The following COL22A1 variants were observed in gnomAD, a reference collection of about 807,000 sequenced individuals.
The protein encoded by COL22A1 is collagen alpha-1(XXII) chain.
In COL22A1, 221 loss-of-function variants were observed where a neutral mutation model predicts 248.9. That is an observed-to-expected ratio of 0.89 (90% CI 0.80 to 0.99). COL22A1 has a LOEUF of 0.99. Ranked by LOEUF, COL22A1 falls within the 50% of genes least tolerant of loss-of-function variation. COL22A1 has a pLI of 0.00. For synonymous variants in COL22A1, 891 were observed against 793.4 expected, an observed-to-expected ratio of 1.12 and a Z score of -2.07; for missense variants, 2,240 against 2,179.0, an observed-to-expected ratio of 1.03 and a Z score of -0.56.
chr8:138,888,236 A>C (rs2132096661), intron 1 of COL22A1, among the ~76,000 whole-genome samples: 1 of 152,230 alleles, frequency 6.6e-6, no homozygotes, highest in South Asian at 2.1e-4. Flanking sequence ...TAAGACACAC[A>C]CCAGGGGGAG....
At chr8:138,773,181 C>A (rs916351957) in intron 16 of COL22A1, among the ~76,000 whole-genome samples, 2 of 152,232 alleles carry the variant, frequency 1.3e-5, no homozygotes, top group African/African-American at 2.4e-5. Context: ...ATGAGGCAAA[C>A]AAGCCCCAGG....
At chr8:138,802,726 G>A in intron 11 of COL22A1, 146 bp downstream of exon 11, 1 of 695,126 alleles carries the variant, frequency 1.4e-6, no homozygotes, top group East Asian at 2.6e-5. Flanking sequence ...AGGAGCTAGG[G>A]CTTCATCTTG....
rs1586808481 is a variant in COL22A1, at chr8:138,813,152, G to A, written c.1246-133C>T. ...TGGGGTCTTCCTGAGTCCACCCCAGGATACCCCTATCCTGGGCTCCACTCT... is the reference window on the plus strand; with the variant it reads ...TGGGGTCTTCCTGAGTCCACCCCAGAATACCCCTATCCTGGGCTCCACTCT... On this transcript the variant is annotated intron_variant, in intron 7 of 64. Coordinates refer to ENST00000303045, the MANE Select transcript of COL22A1 (RefSeq NM_152888.3). 7.5e-6 allele frequency: 5 copies of A among 670,312 alleles called. No individual in the cohort carries two copies. In the South Asian group the frequency reaches 8.4e-5, roughly 11 times the overall value. 41.5% of individuals were successfully genotyped at this position (670,312 alleles called of 1,614,324 possible). A position where few individuals can be genotyped will look rare whatever the true frequency, so the allele number is the denominator to read the frequency against.
At chr8:138,756,215 T>C (rs1832990851) in intron 18 of COL22A1, among the ~76,000 whole-genome samples, 1 of 152,190 alleles carries the variant, frequency 6.6e-6, no homozygotes, top group African/African-American at 2.4e-5. Flanking sequence ...TGTGATGATA[T>C]ATTTTGGCAG....
chr8:138,767,761 C>G (rs1279197604), intron 16 of COL22A1, among the ~76,000 whole-genome samples: 1 of 152,190 alleles, frequency 6.6e-6, no homozygotes, highest in Admixed American at 6.5e-5. Flanking sequence ...GCCAAGGCCA[C>G]TTGCTGCGGT....
Position 138,901,369 on chromosome 8 carries a change from G to GTTT in COL22A1, c.-73+12247_-73+12249dup, listed in dbSNP as rs1396582556. Reference sequence around the variant, plus strand: ...CTCATTACTGGCAGGTTTTTTTTTTGTTTTTTTTTTTTTTTGAGACAGTCT... The same window carrying GTTT: ...CTCATTACTGGCAGGTTTTTTTTTTGTTTTTTTTTTTTTTTTTTGAGACAGTCT... On this transcript the variant is annotated intron_variant, in intron 1 of 64. Transcript: ENST00000303045. Among the ~76,000 whole-genome samples, 453 of 118,740 alleles carry GTTT rather than the reference G, an allele frequency of 3.8e-3. 17 individuals carry two copies. Among genetic ancestry groups the GTTT allele is most frequent in the Non-Finnish European group, 5.4e-3 (321 of 59,950 alleles). 77.9% of individuals were successfully genotyped at this position (118,740 alleles called of 152,430 possible).
chr8:138,606,581 T>C lies in COL22A1; in HGVS notation c.4033-129A>G, dbSNP rs1002973111. The stretch of plus-strand genomic sequence containing the variant: ...ACACAACACACAAATCCTCCCATGA[T>C]GGAGGGGCATGGGTTAGGAAAAGAC... On this transcript the variant is annotated intron_variant, in intron 57 of 64. Coordinates refer to ENST00000303045, the MANE Select transcript of COL22A1 (RefSeq NM_152888.3). 4 of 856,470 alleles carry C rather than the reference T, an allele frequency of 4.7e-6. No homozygotes were observed. In the South Asian group the frequency reaches 4.8e-5, roughly 10 times the overall value. The allele number at this position is 856,470 out of a possible 1,614,324, so 53.1% of individuals were successfully genotyped here. A position where few individuals can be genotyped will look rare whatever the true frequency, so the allele number is the denominator to read the frequency against.
chr8:138,734,707 C>T (rs189584646), intron 23 of COL22A1, among the ~76,000 whole-genome samples: 6 of 152,258 alleles, frequency 3.9e-5, no homozygotes, highest in East Asian at 1.9e-4. Context: ...ATCATTCTAC[C>T]GTAAAGACAC....
At chr8:138,702,414 G>C (rs1461505127) in intron 31 of COL22A1, among the ~76,000 whole-genome samples, 1 of 152,148 alleles carries the variant, frequency 6.6e-6, no homozygotes, top group Non-Finnish European at 1.5e-5. Flanking sequence ...CACAGAGTAA[G>C]ATTCTTTGCC....
At position 138,602,076 on chromosome 8, in the gene COL22A1, G is replaced by A. The variant is rs200312257; in HGVS notation, c.4185+39C>T. On this transcript the variant is annotated intron_variant, in intron 60 of 64. Transcript: ENST00000303045. ...ATCCTGTGGCCACTGTGCAAAGGTC[G>A]CGTTCGGCGTGTTCAAGGTGCCTGT... 908 of 1,612,060 alleles carry A rather than the reference G, an allele frequency of 5.6e-4. 2 individuals carry two copies. Among genetic ancestry groups the A allele is most frequent in the African/African-American group, 2.3e-3 (170 of 74,958 alleles).
chr8:138,703,291 A>C lies in COL22A1; in HGVS notation c.2559+15T>G, dbSNP rs1828117231. The C allele has an allele frequency of 6.2e-7, 1 of 1,609,836 alleles. No individual in the cohort carries two copies. The highest frequency in any genetic ancestry group is 8.5e-7 in the Non-Finnish European group (1 of 1,176,194). On this transcript the variant is annotated intron_variant, in intron 31 of 64. Coordinates refer to ENST00000303045, the MANE Select transcript of COL22A1 (RefSeq NM_152888.3). ...GGAATTCAGAGGAGAAAGAATTAGA[A>C]GCGGAGTAACTTACAGTTCCAGGTA...
chr8:138,591,544 G>C, intron 63 of COL22A1, 43 bp from the exon 64 acceptor site: 1 of 1,447,426 alleles, frequency 6.9e-7, no homozygotes, highest in African/African-American at 1.4e-5. Context: ...AGACCCCCGG[G>C]GAGGACAGAA....
At chr8:138,729,551 AAGCTGGAAGC>A (rs1299756811) in intron 23 of COL22A1, among the ~76,000 whole-genome samples, 3 of 152,126 alleles carry the variant, frequency 2.0e-5, no homozygotes, top group Non-Finnish European at 2.9e-5. Context: ...AGAGAGAGAG[AAGCTGGAAGC>A]AGCTGGAAGC....
rs780471073 is a variant in COL22A1 at position 138,811,783 on chromosome 8, G to A, written c.1449+16C>T. ...CCAGGGTTCTGCTGGGGCTGAAGGTGGACTGCAGACAATACCTTCTCTCCA... is the reference window on the plus strand; with the variant it reads ...CCAGGGTTCTGCTGGGGCTGAAGGTAGACTGCAGACAATACCTTCTCTCCA... On this transcript the variant is annotated intron_variant, in intron 9 of 64. Coordinates refer to ENST00000303045, the MANE Select transcript of COL22A1 (RefSeq NM_152888.3). 6 of 1,611,538 alleles carry A rather than the reference G, an allele frequency of 3.7e-6. No homozygotes were observed. Among genetic ancestry groups the A allele is most frequent in the South Asian group, 3.3e-5 (3 of 91,004 alleles).
intron 19 of COL22A1, 53 bp downstream of exon 19, chr8:138,755,732 C>A: frequency 6.3e-7 from 1 of 1,582,918 alleles, no homozygotes; most frequent in Non-Finnish European, 8.7e-7. Flanking sequence ...ACTCATCCAA[C>A]CACCCAATCC....
intron 1 of COL22A1, among the ~76,000 whole-genome samples, chr8:138,888,128 T>C (rs1447581365): frequency 6.6e-6 from 1 of 152,206 alleles, no homozygotes; most frequent in Non-Finnish European, 1.5e-5. Flanking sequence ...ATTTAGGAAA[T>C]ATTCACGAGT....
chr8:138,860,042 A>G (rs563079003), intron 3 of COL22A1, among the ~76,000 whole-genome samples: 21 of 152,074 alleles, frequency 1.4e-4, no homozygotes, highest in Admixed American at 1.3e-3. Flanking sequence ...ATCTGCTCAC[A>G]TTTCCTAACT....
intron 10 of COL22A1, among the ~76,000 whole-genome samples, chr8:138,804,745 ATGAGGGGTGTGTGTG>A (rs1817321921): frequency 6.8e-6 from 1 of 147,570 alleles, no homozygotes; most frequent in African/African-American, 2.5e-5. Flanking sequence ...TGTGTATGTG[ATGAGGGGTGTGTGTG>A]TGATGGGTGT....
chr8:138,640,967 T>C (rs1052746260), intron 47 of COL22A1, among the ~76,000 whole-genome samples: 2 of 152,220 alleles, frequency 1.3e-5, no homozygotes, highest in Admixed American at 1.3e-4. Flanking sequence ...GTTGGCTTCC[T>C]GCCTCCATCA....
Sources: allele counts gnomAD v4.1 joint callset (sites outside exome capture counted in the v4.1 genomes callset), GRCh38; gene constraint gnomAD v4.1.1; transcripts MANE v1.5; gene names NCBI Gene and HGNC (gene_info 2026-07-23, HGNC 2026-07-21).